Variants in GSE1 observed in about 807,000 individuals in gnomAD.
The protein encoded by GSE1 is Gse1 coiled-coil protein.
Under a neutral mutation model 112.6 loss-of-function variants are expected in GSE1, and 32 were observed. The ratio of observed to expected loss-of-function variants is 0.28; its 90% CI spans 0.21 to 0.38. The LOEUF is 0.38. Among genes scored for constraint, GSE1 ranks in the 10% least tolerant of loss-of-function variants. The pLI is 1.00. For missense variants in GSE1, 2,348 were observed against 1,699.2 expected (o/e 1.38, Z -6.71); for synonymous variants, 1,115 against 735.6 (o/e 1.52, Z -8.35).
At chr16:85,343,596 T>C (rs2046669934) in intron 1 of GSE1, among the ~76,000 whole-genome samples, 1 of 151,804 alleles carries the variant, frequency 6.6e-6, no homozygotes, top group Admixed American at 6.6e-5. Flanking sequence ...AAAAAATAAA[T>C]AATTAGCAGG....
intron 2 of GSE1, among the ~76,000 whole-genome samples, chr16:85,484,569 C>T (rs1567526496): frequency 6.6e-6 from 1 of 152,244 alleles, no homozygotes; most frequent in Non-Finnish European, 1.5e-5. Flanking sequence ...ACCATTGGTG[C>T]TTCAGGGGCC....
intron 1 of GSE1, among the ~76,000 whole-genome samples, chr16:85,615,003 C>T (rs1393107712): frequency 1.3e-5 from 2 of 152,194 alleles, no homozygotes; most frequent in South Asian, 2.1e-4. Context: ...CCTGGTCGGC[C>T]GTCTCGTCCT....
intron 1 of GSE1, among the ~76,000 whole-genome samples, chr16:85,351,446 T>C (rs1253902531): frequency 1.3e-5 from 2 of 152,102 alleles, no homozygotes; most frequent in Admixed American, 6.5e-5. Flanking sequence ...AAATGACATT[T>C]GTATGAAACG....
chr16:85,555,839 T>G, upstream of GSE1: 1 of 921,424 alleles, frequency 1.1e-6, no homozygotes, highest in Non-Finnish European at 1.3e-6. Flanking sequence ...TCTTTTCCTT[T>G]CAAATGAGTA....
intron 2 of GSE1, among the ~76,000 whole-genome samples, chr16:85,481,301 G>A (rs1478894171): frequency 7.9e-5 from 12 of 152,304 alleles, no homozygotes; most frequent in South Asian, 2.1e-4. Flanking sequence ...CATGTAAAGC[G>A]CATAGCACAG....
chr16:85,369,823 G>A (rs944420811), intron 2 of GSE1, among the ~76,000 whole-genome samples: 1 of 152,210 alleles, frequency 6.6e-6, no homozygotes, highest in African/African-American at 2.4e-5. Context: ...ATTGAGCGCC[G>A]ACTGTGTGCC....
At position 85,213,798 on chromosome 16, in the gene GSE1, C is replaced by T. The variant is rs897706703; in HGVS notation, c.2283+41991C>T. Among the ~76,000 whole-genome samples, 9 of 152,216 alleles carry T rather than the reference C, an allele frequency of 5.9e-5. No individual in the cohort carries two copies. The East Asian group carries it at 7.7e-4, about 13-fold the overall frequency. On this transcript the variant is annotated intron_variant, in intron 1 of 2. Transcript: ENST00000637419. ...AAGAGTGAAGAACATTGAAGGCCCC[C>T]GCTGCCCAGCCTGTGGGAGTGGGGA...
intron 1 of GSE1, among the ~76,000 whole-genome samples, chr16:85,265,055 T>C (rs540273254): frequency 1.3e-5 from 2 of 152,282 alleles, no homozygotes; most frequent in African/African-American, 4.8e-5. Context: ...GCGTCTGGCA[T>C]GTTGTAAGTA....
intron 2 of GSE1, among the ~76,000 whole-genome samples, chr16:85,368,263 C>T (rs1057051901): frequency 6.6e-6 from 1 of 152,210 alleles, no homozygotes; most frequent in Admixed American, 6.5e-5. Context: ...CTCCAGGACC[C>T]AGGGTGGAGT....
At chr16:85,322,567 C>G (rs1302303875) in intron 1 of GSE1, among the ~76,000 whole-genome samples, 1 of 151,618 alleles carries the variant, frequency 6.6e-6, no homozygotes, top group African/African-American at 2.4e-5. Flanking sequence ...ATGTTGTTCC[C>G]AGCCCTCTTG....
At chr16:85,226,178 T>C (rs987164138) in intron 1 of GSE1, among the ~76,000 whole-genome samples, 1 of 152,182 alleles carries the variant, frequency 6.6e-6, no homozygotes, top group Non-Finnish European at 1.5e-5. Flanking sequence ...AGAGGATCCA[T>C]GGACATGTTC....
chr16:85,665,740 T>C (rs922901767), intron 12 of GSE1, among the ~76,000 whole-genome samples: 1 of 152,226 alleles, frequency 6.6e-6, no homozygotes, highest in African/African-American at 2.4e-5. Context: ...TCCTTCTTCC[T>C]GTGGATCTGC....
intron 2 of GSE1, among the ~76,000 whole-genome samples, chr16:85,434,345 A>AATCATCATC (rs1555511267): frequency 1.0e-4 from 15 of 143,498 alleles, no homozygotes; most frequent in African/African-American, 3.0e-4. Context: ...TAATAATAAT[A>AATCATCATC]ATCAGTGCCG....
At chr16:85,463,106 G>T in intron 2 of GSE1, 10 of 985,204 alleles carry the variant, frequency 1.0e-5, no homozygotes, top group Non-Finnish European at 1.1e-5. Flanking sequence ...AGACCTGGTC[G>T]TCTCTGCTCC....
chr16:85,383,376 C>G (rs1471098133), intron 2 of GSE1, among the ~76,000 whole-genome samples: 2 of 151,788 alleles, frequency 1.3e-5, no homozygotes, highest in African/African-American at 4.8e-5. Context: ...TGCATACACA[C>G]AGCACACATA....
At chr16:85,623,568 G>A (rs946753187) in intron 1 of GSE1, among the ~76,000 whole-genome samples, 5 of 152,082 alleles carry the variant, frequency 3.3e-5, no homozygotes, top group Admixed American at 1.3e-4. Flanking sequence ...GTGTTCCCTC[G>A]AGGCCCCACA....
chr16:85,506,422 C>G (rs1223793892), intron 2 of GSE1, among the ~76,000 whole-genome samples: 3 of 152,022 alleles, frequency 2.0e-5, no homozygotes, highest in Non-Finnish European at 4.4e-5. Context: ...CAAGCGTAGC[C>G]CTGAGGGATC....
At chr16:85,258,775 G>A (rs1907351526) in intron 1 of GSE1, among the ~76,000 whole-genome samples, 1 of 152,212 alleles carries the variant, frequency 6.6e-6, no homozygotes, top group African/African-American at 2.4e-5. Context: ...GTTGGCGCTT[G>A]TCAGGCCCGC....
chr16:85,450,080 T>A (rs2151800026), intron 2 of GSE1, among the ~76,000 whole-genome samples: 1 of 148,980 alleles, frequency 6.7e-6, no homozygotes, highest in East Asian at 2.0e-4. Flanking sequence ...GTTACCATGG[T>A]GGGTACTTTG....
Sources: allele counts gnomAD v4.1 joint callset (sites outside exome capture counted in the v4.1 genomes callset), GRCh38; gene constraint gnomAD v4.1.1; transcripts MANE v1.5; gene names NCBI Gene and HGNC (gene_info 2026-07-23, HGNC 2026-07-21).